ERC2: variants seen among roughly 807,000 people sequenced by gnomAD.
ERC2 encodes the protein ELKS/RAB6-interacting/CAST family member 2, also known as ERC protein 2.
A neutral mutation model predicts 114.8 loss-of-function variants in ERC2; 42 were observed. That is an observed-to-expected ratio of 0.37 (90% confidence interval 0.29 to 0.47). The LOEUF is 0.47. Among genes scored for constraint, ERC2 ranks in the 20% least tolerant of loss-of-function variants. The probability of loss-of-function intolerance (pLI) is 0.99; values close to 1 mark genes in which losing one functional copy is unlikely to be tolerated. For synonymous variants in ERC2, 454 were observed against 425.5 expected, an observed-to-expected ratio of 1.07 and a Z score of -0.82; for missense variants, 939 against 1,150.7, an observed-to-expected ratio of 0.82 and a Z score of 2.66.
At chr3:55,603,498 GGT>G (rs373816846) in intron 17 of ERC2, among the ~76,000 whole-genome samples, 96,268 of 151,490 alleles carry the variant, frequency 0.64, 32,317 homozygotes, top group East Asian at 0.85. Flanking sequence ...CAGGCGTGGT[GGT>G]GGACGCCTGT....
At chr3:56,019,084 A>AT in intron 7 of ERC2, 53 bp from the exon 8 acceptor site, 1 of 1,370,764 alleles carries the variant, frequency 7.3e-7, no homozygotes, top group Admixed American at 2.2e-5. Flanking sequence ...ATCCTAGGCC[A>AT]AAATTCCTGA....
chr3:56,056,572 G>T (rs1003707790), intron 7 of ERC2, among the ~76,000 whole-genome samples: 3 of 152,124 alleles, frequency 2.0e-5, no homozygotes, highest in Non-Finnish European at 2.9e-5. Flanking sequence ...TTATGTATGG[G>T]CCTTGTGAGA....
chr3:55,746,932 G>A (rs1362374036), intron 14 of ERC2, among the ~76,000 whole-genome samples: 1 of 152,178 alleles, frequency 6.6e-6, no homozygotes, highest in Admixed American at 6.5e-5. Context: ...CCTCAAAGAT[G>A]CTCAAAGATG....
chr3:56,137,717 T>C (rs2080594405), intron 6 of ERC2, among the ~76,000 whole-genome samples: 1 of 152,238 alleles, frequency 6.6e-6, no homozygotes, highest in Non-Finnish European at 1.5e-5. Context: ...TGACCCCTAT[T>C]TGAGACAAGT....
chr3:55,790,126 G>A (rs1049214918), intron 14 of ERC2, among the ~76,000 whole-genome samples: 1 of 152,136 alleles, frequency 6.6e-6, no homozygotes, highest in Non-Finnish European at 1.5e-5. Flanking sequence ...ATTCCCTGCA[G>A]GATAAAGTCC....
intron 14 of ERC2, among the ~76,000 whole-genome samples, chr3:55,752,941 C>T (rs181929642): frequency 6.6e-6 from 1 of 152,310 alleles, no homozygotes; most frequent in East Asian, 1.9e-4. Flanking sequence ...GTAAGAGCAG[C>T]CGACCGCAGC....
At chr3:56,069,749 G>C (rs1178289600) in intron 7 of ERC2, among the ~76,000 whole-genome samples, 1 of 152,130 alleles carries the variant, frequency 6.6e-6, no homozygotes, top group Non-Finnish European at 1.5e-5. Flanking sequence ...TGCTACTGCT[G>C]GTTCTCAAAA....
intron 17 of ERC2, among the ~76,000 whole-genome samples, chr3:55,544,228 C>A (rs1196795314): frequency 6.6e-6 from 1 of 152,194 alleles, no homozygotes; most frequent in Non-Finnish European, 1.5e-5. Flanking sequence ...TAGAGTTATA[C>A]TCCTCCTTGA....
At chr3:56,307,237 C>T (rs1184287719) in intron 2 of ERC2, among the ~76,000 whole-genome samples, 1 of 152,238 alleles carries the variant, frequency 6.6e-6, no homozygotes, top group African/African-American at 2.4e-5. Flanking sequence ...TCAACATCAG[C>T]AGCACCTGAA....
intron 6 of ERC2, among the ~76,000 whole-genome samples, chr3:56,104,993 G>A (rs1359258937): frequency 6.6e-6 from 1 of 152,044 alleles, no homozygotes; most frequent in East Asian, 1.9e-4. Context: ...AGTCTCCACT[G>A]AGAAGGTGAC....
At chr3:55,917,870 GATTA>G (rs1352449070) in intron 13 of ERC2, among the ~76,000 whole-genome samples, 3 of 152,092 alleles carry the variant, frequency 2.0e-5, no homozygotes, top group Non-Finnish European at 4.4e-5. Context: ...GGAGCTAGAT[GATTA>G]ATTCTCATCC....
chr3:56,439,231 G>C (rs1559504717), intron 1 of ERC2, among the ~76,000 whole-genome samples: 1 of 152,266 alleles, frequency 6.6e-6, no homozygotes, highest in South Asian at 2.1e-4. Flanking sequence ...GATTGCTTGA[G>C]GACAGAAGTT....
intron 14 of ERC2, among the ~76,000 whole-genome samples, chr3:55,845,862 A>G (rs2061342251): frequency 6.6e-6 from 1 of 152,264 alleles, no homozygotes. Context: ...AGAGCAAGCA[A>G]CTGATGAAGT....
At chr3:56,312,889 G>A (rs920085200) in intron 2 of ERC2, among the ~76,000 whole-genome samples, 2 of 149,866 alleles carry the variant, frequency 1.3e-5, no homozygotes, top group African/African-American at 4.9e-5. Context: ...TTTTATTAAT[G>A]AACTAGAATC....
intron 17 of ERC2, among the ~76,000 whole-genome samples, chr3:55,582,149 C>T (rs900378570): frequency 3.3e-5 from 5 of 152,154 alleles, no homozygotes; most frequent in Admixed American, 2.6e-4. Flanking sequence ...AGCAATTCCT[C>T]GTGGCTAGAC....
At chr3:56,056,044 T>C (rs2075999214) in intron 7 of ERC2, among the ~76,000 whole-genome samples, 1 of 152,204 alleles carries the variant, frequency 6.6e-6, no homozygotes, top group Non-Finnish European at 1.5e-5. Flanking sequence ...GGAGGGGGCA[T>C]GAACTTAAGC....
intron 3 of ERC2, among the ~76,000 whole-genome samples, chr3:56,199,337 T>C (rs757371396): frequency 3.3e-5 from 5 of 152,130 alleles, no homozygotes; most frequent in Non-Finnish European, 5.9e-5. Context: ...AACTGGATTC[T>C]AGACAAAGGC....
At chr3:55,768,493 A>G (rs2067975262) in intron 14 of ERC2, among the ~76,000 whole-genome samples, 1 of 152,238 alleles carries the variant, frequency 6.6e-6, no homozygotes, top group Non-Finnish European at 1.5e-5. Context: ...ACAATAAACA[A>G]GTAAAAAAAT....
At chr3:55,974,874 G>A (rs774652988) in intron 12 of ERC2, among the ~76,000 whole-genome samples, 4 of 152,144 alleles carry the variant, frequency 2.6e-5, no homozygotes, top group Non-Finnish European at 4.4e-5. Context: ...ATTATAAGAG[G>A]TTTTCATCAA....
Sources: gnomAD v4.1 joint callset for allele counts (sites outside exome capture counted in the v4.1 genomes callset) on GRCh38, gnomAD v4.1.1 for gene constraint, MANE v1.5 for transcripts, NCBI Gene and HGNC (gene_info 2026-07-23, HGNC 2026-07-21) for gene names.